The following LAMC1 variants were observed in gnomAD, a reference collection of about 807,000 sequenced individuals.
The protein encoded by LAMC1 is laminin subunit gamma 1, also known as laminin subunit gamma-1.
LAMC1 carries 38 observed loss-of-function variants against 173.6 expected under a neutral mutation model. The observed-to-expected ratio is 0.22, with a 90% CI of 0.17 to 0.29. LAMC1 has a LOEUF of 0.29. LAMC1 is among the 10% of genes least tolerant of loss of function. The pLI, the probability that LAMC1 is intolerant of heterozygous loss-of-function variation, is 1.00. For synonymous variants in LAMC1, 746 were observed against 749.1 expected (o/e 1.00, Z 0.07); for missense variants, 1,824 against 2,051.8 (o/e 0.89, Z 2.14).
intron 1 of LAMC1, among the ~76,000 whole-genome samples, chr1:183,097,051 G>T (rs1655711910): frequency 6.6e-6 from 1 of 152,132 alleles, no homozygotes; most frequent in African/African-American, 2.4e-5. Flanking sequence ...AGTTGGCCTT[G>T]GGTCGTCTTA....
intron 1 of LAMC1, among the ~76,000 whole-genome samples, chr1:183,077,976 T>C (rs1655163828): frequency 6.6e-6 from 1 of 151,938 alleles, no homozygotes; most frequent in Admixed American, 6.6e-5. Context: ...ATTATATTTT[T>C]CTTATCCCTT....
chr1:183,086,168 G>A lies in LAMC1; in HGVS notation c.419-17160G>A, dbSNP rs551649599. On this transcript the variant is annotated intron_variant, in intron 1 of 27. Coordinates refer to ENST00000258341, the MANE Select transcript of LAMC1 (RefSeq NM_002293.4). ...TTATATTTTTGTGGAAAGAAGGAAAGTAAGGAGACAAATCTAGTGAAGGCT... is the reference window on the plus strand; with the variant it reads ...TTATATTTTTGTGGAAAGAAGGAAAATAAGGAGACAAATCTAGTGAAGGCT... Among the ~76,000 whole-genome samples the A allele has an allele frequency of 6.3e-4, 96 of 152,342 alleles. 1 individual carries two copies. In the Middle Eastern group the frequency reaches 0.024, roughly 38 times the overall value.
chr1:183,133,230 G>A (rs1469795732), intron 21 of LAMC1, among the ~76,000 whole-genome samples, 176 bp from the exon 22 acceptor site: 2 of 152,244 alleles, frequency 1.3e-5, no homozygotes, highest in Admixed American at 1.3e-4. Context: ...ATTATAAATA[G>A]AAATGATAAA....
intron 2 of LAMC1, among the ~76,000 whole-genome samples, chr1:183,105,612 G>A (rs1235304755): frequency 6.8e-6 from 1 of 146,730 alleles, no homozygotes; most frequent in East Asian, 2.0e-4. Flanking sequence ...TGGTAAAAAT[G>A]CTATGGGTTA....
chr1:183,140,627 T>G (rs1387098365), intron 27 of LAMC1, 124 bp downstream of exon 27: 2 of 433,370 alleles, frequency 4.6e-6, no homozygotes, highest in African/African-American at 4.1e-5. Flanking sequence ...TTTAAGTCAT[T>G]AATTAAATTA....
chr1:183,077,820 C>T (rs916621904), intron 1 of LAMC1, among the ~76,000 whole-genome samples: 10 of 126,122 alleles, frequency 7.9e-5, no homozygotes, highest in African/African-American at 2.7e-4. Context: ...TTTTTATTCA[C>T]TCATTGATTG....
At chr1:183,088,717 T>C (rs1655494022) in intron 1 of LAMC1, among the ~76,000 whole-genome samples, 1 of 152,142 alleles carries the variant, frequency 6.6e-6, no homozygotes. Context: ...AAAAGTAAGA[T>C]GATAATACAA....
Position 183,130,337 on chromosome 1 carries a change from A to G in LAMC1, c.3281-7A>G, listed in dbSNP as rs1237333023. 6.2e-7 allele frequency: 1 copy of G among 1,612,418 alleles called. No individual in the cohort carries two copies. The highest frequency in any genetic ancestry group is 8.5e-7 in the Non-Finnish European group (1 of 1,178,404). The stretch of plus-strand genomic sequence containing the variant: ...ATTTACAGACTTTCTTCTGCAAACC[A>G]TTTTAGATGTTGACCAGAATTTGAT... On this transcript the variant is annotated splice_polypyrimidine_tract_variant and splice_region_variant and intron_variant, in intron 18 of 27. Transcript: ENST00000258341.
chr1:183,037,298 C>T (rs1267355608), intron 1 of LAMC1, among the ~76,000 whole-genome samples: 1 of 152,050 alleles, frequency 6.6e-6, no homozygotes, highest in Non-Finnish European at 1.5e-5. Flanking sequence ...ATCTTATCTC[C>T]TTTCTGCCTT....
chr1:183,126,256 T>C lies in LAMC1; in HGVS notation c.2938T>C (p.Cys980Arg). The C allele has an allele frequency of 6.2e-7, 1 of 1,613,718 alleles. No homozygotes were observed. Among genetic ancestry groups the C allele is most frequent in the Non-Finnish European group, 8.5e-7 (1 of 1,179,874 alleles). ...VNHFGFGPEG[C>R]KPCDCHPEGS... Reference sequence around the variant, plus strand: ...CCACTTTGGGTTTGGACCTGAAGGCTGCAAACGTAAGGGGTGTTGGTGGCA... The same window carrying C: ...CCACTTTGGGTTTGGACCTGAAGGCCGCAAACGTAAGGGGTGTTGGTGGCA... The change falls in exon 16 of 28, where the codon TGC becomes CGC. Residue 980 changes from cysteine (C) to arginine (R), a missense_variant. Physicochemically the swap from Cys to Arg is radical, Grantham distance 180. Coordinates refer to ENST00000258341, the MANE Select transcript of LAMC1 (RefSeq NM_002293.4).
At chr1:183,104,919 A>G (rs570522841) in intron 2 of LAMC1, among the ~76,000 whole-genome samples, 3 of 152,182 alleles carry the variant, frequency 2.0e-5, no homozygotes, top group East Asian at 3.9e-4. Context: ...TGATAGATGA[A>G]AAAGCAGGGC....
intron 1 of LAMC1, among the ~76,000 whole-genome samples, chr1:183,070,178 A>C (rs1654977726): frequency 6.6e-6 from 1 of 152,250 alleles, no homozygotes; most frequent in Non-Finnish European, 1.5e-5. Context: ...ATACCTAGTC[A>C]TAAAGTTCAA....
At chr1:183,059,805 T>C (rs1654694749) in intron 1 of LAMC1, among the ~76,000 whole-genome samples, 1 of 152,186 alleles carries the variant, frequency 6.6e-6, no homozygotes. Context: ...AATCTGAAGT[T>C]AGTTAGGTTT....
chr1:183,124,051 A>G (rs959937195), intron 13 of LAMC1, among the ~76,000 whole-genome samples: 1 of 152,234 alleles, frequency 6.6e-6, no homozygotes, highest in Non-Finnish European at 1.5e-5. Context: ...GGTTGCAGGC[A>G]AATTACTTAT....
At chr1:183,034,112 A>G (rs1392573015) in intron 1 of LAMC1, among the ~76,000 whole-genome samples, 1 of 152,230 alleles carries the variant, frequency 6.6e-6, no homozygotes, top group African/African-American at 2.4e-5. Context: ...GGACTTATGT[A>G]AATAAGACTG....
intron 1 of LAMC1, among the ~76,000 whole-genome samples, chr1:183,061,283 C>A (rs970260416): frequency 2.6e-5 from 4 of 152,038 alleles, no homozygotes; most frequent in Non-Finnish European, 5.9e-5. Context: ...GAAAACTCTG[C>A]CTAAATCCTG....
intron 1 of LAMC1, among the ~76,000 whole-genome samples, chr1:183,026,904 GTTTC>G (rs1653702174): frequency 1.3e-5 from 2 of 152,188 alleles, no homozygotes; most frequent in Non-Finnish European, 2.9e-5. Flanking sequence ...TGACAAGTGA[GTTTC>G]TTTATCACTA....
chr1:183,044,716 G>C (rs1283722536), intron 1 of LAMC1, among the ~76,000 whole-genome samples: 2 of 152,098 alleles, frequency 1.3e-5, no homozygotes, highest in African/African-American at 4.8e-5. Flanking sequence ...AGACCTGTCT[G>C]TTCTGTTGAA....
chr1:183,077,793 T>TATATATATATATATATAC (rs1558040719), intron 1 of LAMC1, among the ~76,000 whole-genome samples: 8 of 147,066 alleles, frequency 5.4e-5, no homozygotes, highest in African/African-American at 2.0e-4. Flanking sequence ...TATATATATA[T>TATATATATATATATATAC]ATACAGTAGC....
Sources: gnomAD v4.1 joint callset for allele counts (sites outside exome capture counted in the v4.1 genomes callset) on GRCh38, gnomAD v4.1.1 for gene constraint, MANE v1.5 for transcripts, NCBI Gene and HGNC (gene_info 2026-07-23, HGNC 2026-07-21) for gene names.